Variants in PCDH11X observed in about 807,000 individuals in gnomAD.
The protein encoded by PCDH11X is protocadherin-11 X-linked.
A neutral mutation model predicts 53.3 loss-of-function variants in PCDH11X; 18 were observed. That is an observed-to-expected ratio of 0.34 (90% CI 0.23 to 0.50). The LOEUF (loss-of-function observed/expected upper bound fraction) is 0.50. Among genes scored for constraint, PCDH11X ranks in the 20% least tolerant of loss-of-function variants. The probability of loss-of-function intolerance (pLI) is 0.98; values close to 1 mark genes in which losing one functional copy is unlikely to be tolerated. For synonymous variants in PCDH11X, 279 were observed against 393.3 expected (o/e 0.71, Z 3.44); for missense variants, 570 against 1,032.4 (o/e 0.55, Z 6.14).
chrX:92,004,768 CTTTTTTTT>C (rs1171124073), intron 6 of PCDH11X, among the ~76,000 whole-genome samples: 2 of 57,156 alleles, frequency 3.5e-5, no homozygotes, highest in African/African-American at 1.7e-4. Context: ...CTATGTGTGC[CTTTTTTTT>C]TTTTTTTTTT....
At chrX:92,225,813 G>A (rs1420273951) in intron 7 of PCDH11X, among the ~76,000 whole-genome samples, 2 of 111,771 alleles carry the variant, frequency 1.8e-5, no homozygotes, top group African/African-American at 6.5e-5. Context: ...AATTTCTTTT[G>A]TATATTTTTC....
intron 6 of PCDH11X, among the ~76,000 whole-genome samples, chrX:92,148,000 T>C (rs1429158218): frequency 3.7e-5 from 3 of 80,356 alleles, no homozygotes; most frequent in African/African-American, 2.1e-4. Context: ...TTTCTTTCTT[T>C]CTTTCTTTTT....
intron 10 of PCDH11X, among the ~76,000 whole-genome samples, chrX:92,525,647 A>G (rs1395643696): frequency 9.3e-6 from 1 of 108,108 alleles, no homozygotes; most frequent in Admixed American, 9.9e-5. Flanking sequence ...AAAAAAAAAA[A>G]AAAAAGTAGA....
chrX:92,015,883 A>G (rs970283169), intron 6 of PCDH11X, among the ~76,000 whole-genome samples: 1 of 111,603 alleles, frequency 9.0e-6, no homozygotes, highest in African/African-American at 3.3e-5. Context: ...AACCATTTCC[A>G]TTTGCGTTTC....
chrX:91,780,862 T>C (rs1256120339), intron 1 of PCDH11X, among the ~76,000 whole-genome samples: 1 of 112,774 alleles, frequency 8.9e-6, no homozygotes, highest in Non-Finnish European at 1.9e-5. Flanking sequence ...GAGAGGTCAC[T>C]TTCTCAGAGT....
chrX:92,462,239 G>A (rs943570458), intron 9 of PCDH11X, among the ~76,000 whole-genome samples: 1 of 111,516 alleles, frequency 9.0e-6, no homozygotes, highest in African/African-American at 3.3e-5. Flanking sequence ...AAATTGCTTA[G>A]AAGAAACTTA....
At chrX:92,158,704 C>T (rs961310164) in intron 6 of PCDH11X, among the ~76,000 whole-genome samples, 5 of 110,124 alleles carry the variant, frequency 4.5e-5, no homozygotes, top group Non-Finnish European at 9.5e-5. Flanking sequence ...GGCGGGATCT[C>T]GGCTCACTGA....
chrX:91,795,485 T>C (rs887901932), intron 1 of PCDH11X, among the ~76,000 whole-genome samples: 4 of 111,386 alleles, frequency 3.6e-5, no homozygotes, highest in Non-Finnish European at 7.5e-5. Flanking sequence ...GTTTTGGTTA[T>C]AGATTTGAAT....
At chrX:92,566,254 A>G (rs1921460877) in intron 10 of PCDH11X, among the ~76,000 whole-genome samples, 1 of 110,199 alleles carries the variant, frequency 9.1e-6, no homozygotes, top group South Asian at 3.8e-4. Flanking sequence ...GCATGGACTT[A>G]TTAACTATAA....
chrX:92,160,321 T>C (rs1354253843), intron 6 of PCDH11X, among the ~76,000 whole-genome samples: 1 of 110,852 alleles, frequency 9.0e-6, no homozygotes, highest in Non-Finnish European at 1.9e-5. Context: ...TTCCCACCCT[T>C]TCCCCCTGAG....
At chrX:92,215,334 G>A (rs1279213340) in intron 7 of PCDH11X, among the ~76,000 whole-genome samples, 1 of 107,263 alleles carries the variant, frequency 9.3e-6, no homozygotes. Context: ...CTGGAAAATC[G>A]GGTCACTCCC....
chrX:92,061,992 T>C (rs1243474282), intron 6 of PCDH11X, among the ~76,000 whole-genome samples: 1 of 111,606 alleles, frequency 9.0e-6, no homozygotes, highest in Non-Finnish European at 1.9e-5. Context: ...TCTGATTTCT[T>C]TGAGCAGTGT....
At chrX:92,345,708 G>A (rs1462786415) in intron 8 of PCDH11X, among the ~76,000 whole-genome samples, 5 of 109,477 alleles carry the variant, frequency 4.6e-5, no homozygotes, top group East Asian at 2.9e-4. Flanking sequence ...TTTCCTTCCC[G>A]CATTATAGGA....
At chrX:92,316,421 C>A (rs1251526273) in intron 8 of PCDH11X, among the ~76,000 whole-genome samples, 2 of 109,207 alleles carry the variant, frequency 1.8e-5, no homozygotes, top group Non-Finnish European at 3.8e-5. Context: ...AAAAGGAGTT[C>A]CCCAATTAGC....
intron 4 of PCDH11X, among the ~76,000 whole-genome samples, chrX:91,833,324 G>A (rs1446365894): frequency 9.0e-6 from 1 of 110,703 alleles, no homozygotes; most frequent in Non-Finnish European, 1.9e-5. Context: ...GTGCATATTA[G>A]CTGGTAGTAT....
At chrX:92,521,276 A>G (rs1221061094) in intron 10 of PCDH11X, among the ~76,000 whole-genome samples, 2 of 112,304 alleles carry the variant, frequency 1.8e-5, no homozygotes, top group Non-Finnish European at 3.8e-5. Flanking sequence ...TCTTTGATTC[A>G]TGGACTATAG....
intron 9 of PCDH11X, among the ~76,000 whole-genome samples, chrX:92,409,993 G>T (rs1275169282): frequency 9.0e-6 from 1 of 110,873 alleles, no homozygotes; most frequent in Non-Finnish European, 1.9e-5. Context: ...CATAGGACTG[G>T]TGGCAAAAAA....
chrX:91,956,314 T>A (rs1156608336), intron 6 of PCDH11X, among the ~76,000 whole-genome samples: 2 of 111,517 alleles, frequency 1.8e-5, no homozygotes, highest in African/African-American at 6.5e-5. Flanking sequence ...GCTGGTTATT[T>A]TGTAGTCTTG....
intron 6 of PCDH11X, among the ~76,000 whole-genome samples, chrX:91,903,899 T>C (rs1047493901): frequency 2.6e-4 from 29 of 109,611 alleles, no homozygotes; most frequent in Admixed American, 1.7e-3. Context: ...ACGAATGAGA[T>C]GGTGGAGGGG....
Sources: allele counts gnomAD v4.1 joint callset (sites outside exome capture counted in the v4.1 genomes callset), GRCh38; gene constraint gnomAD v4.1.1; transcripts MANE v1.5; gene names NCBI Gene and HGNC (gene_info 2026-07-23, HGNC 2026-07-21).